STK33: variants seen among roughly 807,000 people sequenced by gnomAD.
STK33 encodes the protein serine/threonine kinase 33, also known as serine/threonine-protein kinase 33.
STK33 carries 52 observed loss-of-function variants against 58.0 expected under a neutral mutation model. That is an observed-to-expected ratio of 0.90 (90% CI 0.72 to 1.13). The LOEUF (loss-of-function observed/expected upper bound fraction) is 1.13, where lower values mean the gene tolerates loss of function less well. STK33 is among the 50% of genes most tolerant of loss of function. The pLI is 0.00. For missense variants in STK33, 630 were observed against 604.2 expected (o/e 1.04, Z -0.45); for synonymous variants, 215 against 200.1 (o/e 1.07, Z -0.63).
intron 11 of STK33, among the ~76,000 whole-genome samples, chr11:8,447,816 G>C (rs1945703741): frequency 1.3e-5 from 2 of 152,130 alleles, no homozygotes; most frequent in African/African-American, 4.8e-5. Flanking sequence ...GAAATAAAGG[G>C]TATTCAATTA....
At chr11:8,446,766 T>C (rs943482895) in intron 11 of STK33, among the ~76,000 whole-genome samples, 3 of 152,324 alleles carry the variant, frequency 2.0e-5, no homozygotes, top group African/African-American at 4.8e-5. Flanking sequence ...GCTAGCCATA[T>C]GCAGAAAACT....
chr11:8,362,108 T>A, the STK33 span, among the ~76,000 whole-genome samples: 2 of 152,174 alleles, frequency 1.3e-5, no homozygotes, highest in Non-Finnish European at 2.9e-5. Context: ...TGGCTCTGAC[T>A]GTTCTCTGGG....
chr11:8,546,384 C>G (rs1955914809), intron 1 of STK33, among the ~76,000 whole-genome samples: 1 of 152,124 alleles, frequency 6.6e-6, no homozygotes, highest in African/African-American at 2.4e-5. Flanking sequence ...GTGTAATGAT[C>G]AAATCAGGGT....
intron 1 of STK33, among the ~76,000 whole-genome samples, chr11:8,538,471 T>C (rs1240206583): frequency 6.6e-6 from 1 of 152,200 alleles, no homozygotes; most frequent in African/African-American, 2.4e-5. Context: ...CAGTAATGTA[T>C]TACTGTAGCT....
intron 1 of STK33, among the ~76,000 whole-genome samples, chr11:8,491,532 C>G (rs1164536863): frequency 6.6e-6 from 1 of 152,160 alleles, no homozygotes; most frequent in Non-Finnish European, 1.5e-5. Context: ...AGGATATTAT[C>G]CAGGAGAATT....
chr11:8,573,102 C>CT (rs1186018186), intron 1 of STK33, among the ~76,000 whole-genome samples: 3 of 152,188 alleles, frequency 2.0e-5, no homozygotes, highest in East Asian at 1.9e-4. Flanking sequence ...TTAAGCTGGA[C>CT]TTCATCAAAA....
At chr11:8,362,396 C>T in the STK33 span, among the ~76,000 whole-genome samples, 4 of 152,112 alleles carry the variant, frequency 2.6e-5, no homozygotes, top group Non-Finnish European at 4.4e-5. Flanking sequence ...GTCGCTCATT[C>T]GGAGTGAAAT....
intron 15 of STK33, among the ~76,000 whole-genome samples, chr11:8,396,824 C>A (rs145309936): frequency 0.014 from 2,176 of 152,352 alleles, 51 homozygotes; most frequent in African/African-American, 0.049. Context: ...TATCCCGTGC[C>A]TGGCTCAGAG....
chr11:8,456,304 T>C (rs1256133225), intron 9 of STK33, among the ~76,000 whole-genome samples: 1 of 152,250 alleles, frequency 6.6e-6, no homozygotes, highest in South Asian at 2.1e-4. Context: ...CAGTGAATTC[T>C]TTCCTGACTT....
intron 11 of STK33, among the ~76,000 whole-genome samples, chr11:8,442,770 G>C (rs567478763): frequency 6.6e-6 from 1 of 152,076 alleles, no homozygotes; most frequent in Non-Finnish European, 1.5e-5. Flanking sequence ...AACGAATTAC[G>C]TATACTCTTC....
chr11:8,532,821 T>G (rs1954659689), intron 1 of STK33, among the ~76,000 whole-genome samples: 2 of 152,214 alleles, frequency 1.3e-5, no homozygotes, highest in Non-Finnish European at 2.9e-5. Context: ...ATTTTCAAAA[T>G]CTGTTGGATA....
At chr11:8,453,503 A>T (rs2136977691) in intron 10 of STK33, among the ~76,000 whole-genome samples, 1 of 152,338 alleles carries the variant, frequency 6.6e-6, no homozygotes, top group Middle Eastern at 3.4e-3. Flanking sequence ...AAGCATATTA[A>T]CAGGAAAAAA....
rs575698043 is a variant in STK33 at position 8,523,371 on chromosome 11, C to T, written c.-465-42757G>A. Among the ~76,000 whole-genome samples the T allele has an allele frequency of 5.6e-4, 85 of 151,534 alleles. 1 individual carries two copies. The East Asian group carries it at 0.015, about 27-fold the overall frequency. On this transcript the variant is annotated intron_variant, in intron 1 of 15. Transcript: ENST00000687296. ...GGAGCGTCTCTGCCCGGCCGCCCAT[C>T]GTCTGGGATGTGGGAAGCGCCTCTG...
chr11:8,525,300 G>A (rs1218275852), intron 1 of STK33, among the ~76,000 whole-genome samples: 1 of 152,114 alleles, frequency 6.6e-6, no homozygotes, highest in African/African-American at 2.4e-5. Context: ...GTCAAGGATA[G>A]CCAAAGACAA....
At chr11:8,555,338 A>G (rs1182109341) in intron 1 of STK33, among the ~76,000 whole-genome samples, 1 of 152,156 alleles carries the variant, frequency 6.6e-6, no homozygotes, top group African/African-American at 2.4e-5. Context: ...GGGTGACTAT[A>G]GTCAGTAATA....
chr11:8,405,484 C>T (rs531895506), intron 15 of STK33, among the ~76,000 whole-genome samples: 2 of 151,930 alleles, frequency 1.3e-5, no homozygotes, highest in Admixed American at 1.3e-4. Context: ...AGTCTTCTGT[C>T]ATATATATTT....
intron 15 of STK33, among the ~76,000 whole-genome samples, chr11:8,410,846 T>C (rs1218092612): frequency 6.6e-6 from 1 of 152,210 alleles, no homozygotes; most frequent in African/African-American, 2.4e-5. Context: ...ACTAGGAAGT[T>C]TCTCCATTAC....
At chr11:8,585,136 T>A (rs1255229304) in intron 1 of STK33, among the ~76,000 whole-genome samples, 1 of 151,604 alleles carries the variant, frequency 6.6e-6, no homozygotes, top group African/African-American at 2.4e-5. Flanking sequence ...TTGGCCAGGC[T>A]GGTCTCAAAC....
rs183953463 is a variant in STK33, at chr11:8,473,379, C to G, written c.226-103G>C. On this transcript the variant is annotated intron_variant, in intron 5 of 15. Coordinates refer to ENST00000687296, the MANE Select transcript of STK33 (RefSeq NM_001352389.2). ...TAATCTGATAACTCTTTAACGTGTG[C>G]CATGTTTACTATGCACAAGATTGTT... 12 of 697,608 alleles carry G rather than the reference C, an allele frequency of 1.7e-5. No individual in the cohort carries two copies. In the African/African-American group the frequency reaches 2.2e-4, roughly 13 times the overall value. The allele number at this position is 697,608 out of a possible 1,614,324, so 43.2% of individuals were successfully genotyped here. A position where few individuals can be genotyped will look rare whatever the true frequency, so the allele number is the denominator to read the frequency against.
Sources: gnomAD v4.1 joint callset for allele counts (sites outside exome capture counted in the v4.1 genomes callset) on GRCh38, gnomAD v4.1.1 for gene constraint, MANE v1.5 for transcripts, NCBI Gene and HGNC (gene_info 2026-07-23, HGNC 2026-07-21) for gene names.